GNA14: variants seen among roughly 807,000 people sequenced by gnomAD.
GNA14 encodes G protein subunit alpha 14.
A neutral mutation model predicts 42.0 loss-of-function variants in GNA14; 50 were observed. That is an observed-to-expected ratio of 1.19 (90% CI 0.95 to 1.51). GNA14 has a LOEUF of 1.51. Ranked by LOEUF, GNA14 falls within the 40% of genes most tolerant of loss-of-function variation. The pLI, the probability that GNA14 is intolerant of heterozygous loss-of-function variation, is 0.00. For missense variants in GNA14, 473 were observed against 446.2 expected (o/e 1.06, Z -0.54); for synonymous variants, 173 against 163.1 (o/e 1.06, Z -0.46).
intron 2 of GNA14, among the ~76,000 whole-genome samples, chr9:77,447,437 T>C (rs113397257): frequency 0.015 from 2,286 of 152,314 alleles, 24 homozygotes; most frequent in Non-Finnish European, 0.023. Flanking sequence ...AAAGTGCAGG[T>C]ACACCAGACA....
intron 4 of GNA14, among the ~76,000 whole-genome samples, chr9:77,430,416 G>A (rs538618090): frequency 2.0e-5 from 3 of 152,200 alleles, no homozygotes; most frequent in African/African-American, 7.2e-5. Context: ...GAGTCTGAGA[G>A]GTTTTGGACA....
intron 1 of GNA14, among the ~76,000 whole-genome samples, chr9:77,600,000 A>G (rs1055642653): frequency 2.0e-5 from 3 of 152,240 alleles, no homozygotes; most frequent in Admixed American, 2.0e-4. Context: ...TGCATGTATA[A>G]TTAGCTTGAT....
chr9:77,637,970 A>G (rs966738063), intron 1 of GNA14, among the ~76,000 whole-genome samples: 2 of 152,152 alleles, frequency 1.3e-5, no homozygotes, highest in Non-Finnish European at 2.9e-5. Flanking sequence ...TGGAAGATCA[A>G]TATATTAAAT....
chr9:77,542,365 G>A (rs933887185), intron 1 of GNA14, among the ~76,000 whole-genome samples: 2 of 152,186 alleles, frequency 1.3e-5, no homozygotes, highest in Non-Finnish European at 2.9e-5. Context: ...TAAGTCTGTG[G>A]TGAAGTTTTA....
chr9:77,568,934 C>T (rs1244406664), intron 1 of GNA14, among the ~76,000 whole-genome samples: 1 of 152,176 alleles, frequency 6.6e-6, no homozygotes, highest in East Asian at 1.9e-4. Context: ...GACTGTCATG[C>T]CACGTCTGAG....
intron 2 of GNA14, among the ~76,000 whole-genome samples, chr9:77,507,417 C>A (rs1236377765): frequency 6.6e-6 from 1 of 152,094 alleles, no homozygotes; most frequent in South Asian, 2.1e-4. Context: ...AAAAATAAAT[C>A]AATCAATCCT....
At chr9:77,529,712 G>A (rs1027605342) in intron 1 of GNA14, among the ~76,000 whole-genome samples, 1 of 152,092 alleles carries the variant, frequency 6.6e-6, no homozygotes, top group Non-Finnish European at 1.5e-5. Flanking sequence ...TTTCCCAGAG[G>A]TGCCAAATGT....
intron 1 of GNA14, among the ~76,000 whole-genome samples, chr9:77,555,348 G>T (rs182396350): frequency 1.3e-5 from 2 of 152,144 alleles, no homozygotes; most frequent in Admixed American, 1.3e-4. Flanking sequence ...TCTACCAAAA[G>T]TACAAAAAAT....
intron 2 of GNA14, among the ~76,000 whole-genome samples, chr9:77,470,851 G>A (rs1198131471): frequency 6.6e-6 from 1 of 152,042 alleles, no homozygotes; most frequent in Non-Finnish European, 1.5e-5. Context: ...GAAAGAGAGA[G>A]CCAAGGGAGA....
chr9:77,517,868 G>A (rs1052229022), intron 2 of GNA14, among the ~76,000 whole-genome samples: 17 of 151,822 alleles, frequency 1.1e-4, no homozygotes, highest in Non-Finnish European at 1.9e-4. Context: ...GCCTCCCAAA[G>A]CATTAGGATT....
intron 1 of GNA14, among the ~76,000 whole-genome samples, chr9:77,573,507 G>A (rs1371766831): frequency 6.6e-6 from 1 of 151,982 alleles, no homozygotes; most frequent in Non-Finnish European, 1.5e-5. Context: ...TAAAAATCTA[G>A]GTTTCAGCTT....
chr9:77,502,915 G>A (rs1836999110), intron 2 of GNA14, among the ~76,000 whole-genome samples: 1 of 152,150 alleles, frequency 6.6e-6, no homozygotes, highest in Non-Finnish European at 1.5e-5. Context: ...TTCGGTCTCA[G>A]GGAGCAGGCC....
intron 1 of GNA14, among the ~76,000 whole-genome samples, chr9:77,629,720 G>C (rs1475843889): frequency 6.6e-6 from 1 of 152,154 alleles, no homozygotes; most frequent in African/African-American, 2.4e-5. Context: ...CACATACCGG[G>C]TTCTGTCAGG....
chr9:77,471,769 A>G (rs898105185), intron 2 of GNA14, among the ~76,000 whole-genome samples: 1 of 152,192 alleles, frequency 6.6e-6, no homozygotes, highest in African/African-American at 2.4e-5. Flanking sequence ...AACTATCCAC[A>G]CAGTCTATGC....
chr9:77,449,459 T>C, intron 2 of GNA14, among the ~76,000 whole-genome samples: 1 of 152,242 alleles, frequency 6.6e-6, no homozygotes, highest in Middle Eastern at 3.2e-3. Context: ...CAAGCCATGT[T>C]ATCAAGTGCT....
intron 1 of GNA14, among the ~76,000 whole-genome samples, chr9:77,622,140 G>C (rs958875351): frequency 3.0e-4 from 45 of 152,320 alleles, no homozygotes; most frequent in African/African-American, 1.1e-3. Context: ...AAAGAAACTT[G>C]TGTAAACAAT....
chr9:77,537,621 T>C (rs1040568877), intron 1 of GNA14, among the ~76,000 whole-genome samples: 4 of 152,230 alleles, frequency 2.6e-5, no homozygotes, highest in Admixed American at 6.5e-5. Flanking sequence ...CTGGATTGTA[T>C]GGTAATCTAT....
At position 77,584,858 on chromosome 9, in the gene GNA14, T is replaced by C. The variant is rs141252084; in HGVS notation, c.125-55605A>G. On this transcript the variant is annotated intron_variant, in intron 1 of 6. Coordinates refer to ENST00000341700, the MANE Select transcript of GNA14 (RefSeq NM_004297.4). Reference sequence around the variant, plus strand: ...CCTCCCCTTTTCAGACCATATAGGGTAACTTCCTGATGTTGCCATGGCATT... The same window carrying C: ...CCTCCCCTTTTCAGACCATATAGGGCAACTTCCTGATGTTGCCATGGCATT... Among the ~76,000 whole-genome samples the C allele has an allele frequency of 1.9e-3, 292 of 152,230 alleles. 1 individual carries two copies. Among genetic ancestry groups the C allele is most frequent in the African/African-American group, 6.7e-3 (280 of 41,540 alleles).
chr9:77,432,539 CATCACATTGTCCA>C lies in GNA14; in HGVS notation c.465-1103_465-1091del, dbSNP rs374846067. On this transcript the variant is annotated intron_variant, in intron 3 of 6. Coordinates refer to ENST00000341700, the MANE Select transcript of GNA14 (RefSeq NM_004297.4). ...CAGTGCCTGGCGCATCACAAGCACT[CATCACATTGTCCA>C]ATCAGCAGACATCTCTAGCTGAGGG... Among the ~76,000 whole-genome samples the C allele has an allele frequency of 6.4e-3, 975 of 152,296 alleles. 14 individuals are homozygous for C. Among genetic ancestry groups the C allele is most frequent in the African/African-American group, 0.022 (905 of 41,566 alleles).
Sources: gnomAD v4.1 joint callset for allele counts (sites outside exome capture counted in the v4.1 genomes callset) on GRCh38, gnomAD v4.1.1 for gene constraint, MANE v1.5 for transcripts, NCBI Gene and HGNC (gene_info 2026-07-23, HGNC 2026-07-21) for gene names.